Variants in DBR1 observed in about 807,000 individuals in gnomAD.
DBR1 encodes the protein debranching RNA lariats 1.
Under a neutral mutation model 45.9 loss-of-function variants are expected in DBR1, and 33 were observed. The observed-to-expected ratio is 0.72, with a 90% confidence interval of 0.55 to 0.96. The LOEUF (loss-of-function observed/expected upper bound fraction) is 0.96. DBR1 is among the 40% of genes least tolerant of loss of function. The pLI, the probability that DBR1 is intolerant of heterozygous loss-of-function variation, is 0.00. For synonymous variants in DBR1, 235 were observed against 235.9 expected (o/e 1.00, Z 0.04); for missense variants, 619 against 667.4 (o/e 0.93, Z 0.80).
chr3:138,174,838 A>G lies in DBR1; in HGVS notation c.-43T>C. Reference sequence around the variant, plus strand: ...GTGAGCGCTGCCTGCAACGCCCTACACCACAGCCAGCCCAGGACCGACTGA... The same window carrying G: ...GTGAGCGCTGCCTGCAACGCCCTACGCCACAGCCAGCCCAGGACCGACTGA... On this transcript the variant is annotated 5_prime_UTR_variant, in exon 1 of 8. Coordinates refer to ENST00000260803, the MANE Select transcript of DBR1 (RefSeq NM_016216.4). The G allele has an allele frequency of 6.3e-7, 1 of 1,581,532 alleles. No individual in the cohort carries two copies. The highest frequency in any genetic ancestry group is 8.6e-7 in the Non-Finnish European group (1 of 1,162,996).
At chr3:138,170,083 T>G in intron 4 of DBR1, 24 bp downstream of exon 4, 1 of 1,401,898 alleles carries the variant, frequency 7.1e-7, no homozygotes. Context: ...TTTTCAAGTC[T>G]GCTGTAATGC....
intron 4 of DBR1, among the ~76,000 whole-genome samples, chr3:138,168,398 T>TA (rs2042939843): frequency 6.6e-6 from 1 of 151,308 alleles, no homozygotes; most frequent in Non-Finnish European, 1.5e-5. Flanking sequence ...TGGGCGCCTG[T>TA]AATCCCAGCT....
chr3:138,174,727 T>C lies in DBR1; in HGVS notation c.69A>G (p.Ala23=). The C allele has an allele frequency of 1.2e-6, 2 of 1,612,836 alleles. No homozygotes were observed. Among genetic ancestry groups the C allele is most frequent in the Non-Finnish European group, 1.7e-6 (2 of 1,179,704 alleles). The change falls in exon 1 of 8, where the codon GCA becomes GCG. Residue 23 remains alanine (A), a synonymous_variant. Transcript: ENST00000260803. The stretch of plus-strand genomic sequence containing the variant: ...CGACAGGCCCCGGGCCGCGCCGCTC[T>C]GCCAGCGCCAGCGTCTCATAGATCT... ...LDKIYETLAL[A]ERRGPGPVDL...
chr3:138,163,531 A>G lies in DBR1; in HGVS notation c.796-37T>C, dbSNP rs779927452. 1.2e-5 allele frequency: 16 copies of G among 1,282,180 alleles called. No individual in the cohort carries two copies. In the Admixed American group the frequency reaches 2.1e-4, roughly 17 times the overall value. 79.4% of individuals were successfully genotyped at this position (1,282,180 alleles called of 1,614,324 possible). ...AATCAATGTTAAGAAATACATATAT[A>G]TTTGTAACAGTCTAATCACTTTAAT... On this transcript the variant is annotated intron_variant, in intron 6 of 7. Transcript: ENST00000260803.
At chr3:138,165,714 G>A (rs565455996) in intron 5 of DBR1, among the ~76,000 whole-genome samples, 116 of 151,608 alleles carry the variant, frequency 7.7e-4, no homozygotes, top group African/African-American at 2.8e-3. Flanking sequence ...GGGCAACAGA[G>A]CAAGACTCTG....
At chr3:138,169,625 G>T (rs114241405) in intron 4 of DBR1, among the ~76,000 whole-genome samples, 10 of 151,788 alleles carry the variant, frequency 6.6e-5, no homozygotes, top group Admixed American at 5.3e-4. Flanking sequence ...AAATAAACTC[G>T]TAATTATTGA....
Position 138,174,862 on chromosome 3 carries a change from G to C in DBR1, c.-67C>G. The C allele has an allele frequency of 6.7e-7, 1 of 1,492,716 alleles. No individual in the cohort carries two copies. The highest frequency in any genetic ancestry group is 1.2e-5 in the South Asian group (1 of 82,368). 92.5% of individuals were successfully genotyped at this position (1,492,716 alleles called of 1,614,324 possible). On this transcript the variant is annotated 5_prime_UTR_variant, in exon 1 of 8. The change creates a new upstream start codon in the 5' untranslated region. Transcript: ENST00000260803. ...CACCACAGCCAGCCCAGGACCGACT[G>C]ATCGCTCAGCTCCCGCCAACTTTAA...
intron 3 of DBR1, 60 bp downstream of exon 3, chr3:138,171,573 G>C (rs1419764694): frequency 9.2e-7 from 1 of 1,081,552 alleles, no homozygotes; most frequent in African/African-American, 1.6e-5. Context: ...TACATATCAT[G>C]CTTAACTTAC....
rs2042907376 is a variant in DBR1 at position 138,161,601 on chromosome 3, T to C, written c.*288A>G. 1 of 314,896 alleles carries C rather than the reference T, an allele frequency of 3.2e-6. No homozygotes were observed. Among genetic ancestry groups the C allele is most frequent in the African/African-American group, 2.1e-5 (1 of 47,486 alleles). The allele number at this position is 314,896 out of a possible 1,614,324, so 19.5% of individuals were successfully genotyped here. ...TGGCTCACGCCTGTAATCCCAGCAC[T>C]TTAGAAGGCCAAGACAGGTGGATCG... On this transcript the variant is annotated 3_prime_UTR_variant, in exon 8 of 8. Coordinates refer to ENST00000260803, the MANE Select transcript of DBR1 (RefSeq NM_016216.4).
chr3:138,174,558 CA>C, intron 1 of DBR1, 40 bp downstream of exon 1: 11 of 1,439,484 alleles, frequency 7.6e-6, no homozygotes, highest in Non-Finnish European at 1.1e-5. Flanking sequence ...AACCCAGTCC[CA>C]CCCCCCCACC....
In DBR1 at chr3:138,162,410, C is replaced by T. The variant is rs778007641; in HGVS notation, c.1114G>A (p.Ala372Thr). 17 of 1,614,118 alleles carry T rather than the reference C, an allele frequency of 1.1e-5. No homozygotes were observed. The highest frequency in any genetic ancestry group is 1.6e-4 in the Middle Eastern group (1 of 6,062). Residue 372 changes from alanine to threonine, a missense_variant, in exon 8 of 8, where the codon GCC (alanine) becomes ACC (threonine). Around this residue, in one of 3 missense-constraint regions of DBR1, gnomAD observed 7 missense variants for 23.6 expected, o/e 0.30. Coordinates refer to ENST00000260803, the MANE Select transcript of DBR1 (RefSeq NM_016216.4). ...RINPQTTEFC[A>T]QLGIIDINVR... is the part of the protein sequence containing the mutation. ...TTGATGTCTATGATGCCAAGTTGGG[C>T]ACAAAATTCAGTTGTCTGAGGATTG...
intron 1 of DBR1, 63 bp downstream of exon 1, chr3:138,174,536 A>G (rs1347567589): frequency 1.4e-6 from 2 of 1,479,460 alleles, no homozygotes; most frequent in Admixed American, 4.0e-5. Flanking sequence ...ACAGGCAGCC[A>G]GTGGCAGAGG....
intron 2 of DBR1, 26 bp downstream of exon 2, chr3:138,173,476 A>G: frequency 6.2e-7 from 1 of 1,611,888 alleles, no homozygotes; most frequent in Non-Finnish European, 8.5e-7. Flanking sequence ...CAGGAAAAAA[A>G]AGTATCCACA....
rs747753652 is a variant in DBR1 at position 138,171,685 on chromosome 3, A to G, written c.351T>C (p.Gly117=). The change falls in exon 3 of 8, where the codon GGT becomes GGC. Residue 117 remains glycine, a synonymous_variant. Coordinates refer to ENST00000260803, the MANE Select transcript of DBR1 (RefSeq NM_016216.4). ...LGLAGVVKYR[G]VRIGGISGIF... ...TACCAGAGATTCCACCGATCCTTACACCTCGGTATTTTACCACACCAGCCA... is the reference window on the plus strand; with the variant it reads ...TACCAGAGATTCCACCGATCCTTACGCCTCGGTATTTTACCACACCAGCCA... 1.2e-6 allele frequency: 2 copies of G among 1,613,568 alleles called. No individual in the cohort carries two copies. The highest frequency in any genetic ancestry group is 2.2e-5 in the South Asian group (2 of 91,066).
At chr3:138,171,750 A>G (rs1253703950) in intron 2 of DBR1, 37 bp from the exon 3 acceptor site, 15 of 1,440,874 alleles carry the variant, frequency 1.0e-5, no homozygotes, top group Non-Finnish European at 1.5e-5. Flanking sequence ...CTGTAGGCAA[A>G]AGGAATCTCT....
Position 138,162,151 on chromosome 3 carries a change from G to T in DBR1, c.1373C>A (p.Ala458Asp), listed in dbSNP as rs141868923. The change falls in exon 8 of 8, where the codon GCT (alanine) becomes GAT (aspartate). Residue 458 changes from alanine (A) to aspartate (D), a missense_variant. Ala to Asp is a moderately radical substitution (Grantham distance 126). Around this residue, in one of 3 missense-constraint regions of DBR1, gnomAD observed 182 missense variants for 196.1 expected, o/e 0.93. Coordinates refer to ENST00000260803, the MANE Select transcript of DBR1 (RefSeq NM_016216.4). ...NTPSVEPSDQ[A>D]SEFSASFSDV... is the part of the protein sequence containing the mutation. Reference sequence around the variant, plus strand: ...AGAGAAACTTGCAGAAAACTCAGAAGCTTGATCAGAAGGTTCTACCGATGG... The same window carrying T: ...AGAGAAACTTGCAGAAAACTCAGAATCTTGATCAGAAGGTTCTACCGATGG... The T allele has an allele frequency of 1.8e-4, 285 of 1,614,044 alleles. No individual in the cohort carries two copies. The highest frequency in any genetic ancestry group is 2.3e-4 in the Non-Finnish European group (268 of 1,180,028).
intron 4 of DBR1, among the ~76,000 whole-genome samples, chr3:138,169,811 T>C (rs1027298234): frequency 6.6e-6 from 1 of 152,008 alleles, no homozygotes; most frequent in Non-Finnish European, 1.5e-5. Flanking sequence ...TGTGCGCCCA[T>C]AGTTCCAGCT....
rs1242517361 is a variant in DBR1, at chr3:138,173,600, G to A, written c.224C>T (p.Pro75Leu). 3.1e-6 allele frequency: 5 copies of A among 1,613,734 alleles called. No individual in the cohort carries two copies. In the East Asian group the frequency reaches 1.1e-4, roughly 36 times the overall value. The change falls in exon 2 of 8, where the codon CCA (proline) becomes CTA (leucine). Residue 75 changes from proline (P) to leucine (L), a missense_variant. This residue lies in a region of DBR1 where 430 missense variants were observed against 447.7 expected (regional missense o/e 0.96). Transcript: ENST00000260803. Reference protein sequence around the residue: ...YRYYSGEKKAPVLTLFIGGNH... With the variant: ...YRYYSGEKKALVLTLFIGGNH... ...TCCCCCAATGAAGAGCGTGAGAACTGGAGCCTTTTTCTCTCCAGAGTAATA... is the reference window on the plus strand; with the variant it reads ...TCCCCCAATGAAGAGCGTGAGAACTAGAGCCTTTTTCTCTCCAGAGTAATA...
Position 138,174,586 on chromosome 3 carries a change from G to C in DBR1, c.197+13C>G. 1 of 1,589,174 alleles carries C rather than the reference G, an allele frequency of 6.3e-7. No individual in the cohort carries two copies. Among genetic ancestry groups the C allele is most frequent in the Non-Finnish European group, 8.6e-7 (1 of 1,165,098 alleles). On this transcript the variant is annotated intron_variant, in intron 1 of 7. Transcript: ENST00000260803. ...CCCCCCACCGCCAAGTCCGGGCCCGGCCGCGTCCTCACCTGTAGAAGGTTT... is the reference window on the plus strand; with the variant it reads ...CCCCCCACCGCCAAGTCCGGGCCCGCCCGCGTCCTCACCTGTAGAAGGTTT...
Sources: allele counts gnomAD v4.1 joint callset (sites outside exome capture counted in the v4.1 genomes callset), GRCh38; gene constraint gnomAD v4.1.1; regional missense constraint gnomAD v4.1.1; transcripts MANE v1.5; gene names NCBI Gene and HGNC (gene_info 2026-07-23, HGNC 2026-07-21).